The following WDR7 variants were observed in gnomAD, a reference collection of about 807,000 sequenced individuals.
WDR7 encodes WD repeat-containing protein 7.
In WDR7, 46 loss-of-function variants were observed where a neutral mutation model predicts 169.4. The ratio of observed to expected loss-of-function variants is 0.27; its 90% confidence interval spans 0.21 to 0.35. The LOEUF (loss-of-function observed/expected upper bound fraction) is 0.35. Among genes scored for constraint, WDR7 ranks in the 10% least tolerant of loss-of-function variants. The pLI, the probability that WDR7 is intolerant of heterozygous loss-of-function variation, is 1.00. For missense variants in WDR7, 1,534 were observed against 1,859.3 expected (o/e 0.83, Z 3.22); for synonymous variants, 612 against 666.8 (o/e 0.92, Z 1.27).
intron 19 of WDR7, among the ~76,000 whole-genome samples, chr18:56,795,106 A>T (rs2145133556): frequency 6.6e-6 from 1 of 152,368 alleles, no homozygotes; most frequent in African/African-American, 2.4e-5. Context: ...TTTAAATATT[A>T]ATATGAATTC....
At chr18:56,959,045 T>C (rs1234631859) in intron 25 of WDR7, among the ~76,000 whole-genome samples, 1 of 152,026 alleles carries the variant, frequency 6.6e-6, no homozygotes, top group Non-Finnish European at 1.5e-5. Flanking sequence ...TTAAAAATAA[T>C]GGGTAAAAGG....
At chr18:56,929,436 A>T (rs890197702) in intron 22 of WDR7, among the ~76,000 whole-genome samples, 17 of 152,246 alleles carry the variant, frequency 1.1e-4, no homozygotes, top group Admixed American at 9.2e-4. Flanking sequence ...AATGTTGAAT[A>T]AAGTCATGGG....
chr18:56,907,066 C>CT (rs1435891802), intron 21 of WDR7, among the ~76,000 whole-genome samples: 2 of 152,154 alleles, frequency 1.3e-5, no homozygotes, highest in Non-Finnish European at 2.9e-5. Context: ...TGTTAAGATT[C>CT]TTTTTCACTC....
intron 20 of WDR7, among the ~76,000 whole-genome samples, chr18:56,831,202 G>C (rs2045302285): frequency 6.6e-6 from 1 of 152,146 alleles, no homozygotes; most frequent in South Asian, 2.1e-4. Flanking sequence ...GAGGGAGAGA[G>C]AGCAAGAGGT....
chr18:56,786,349 G>A (rs574734154), intron 19 of WDR7, among the ~76,000 whole-genome samples: 112 of 152,112 alleles, frequency 7.4e-4, no homozygotes, highest in African/African-American at 2.6e-3. Context: ...TGGGCAACAG[G>A]GTGAAAAACA....
At chr18:56,972,215 C>A (rs1230343836) in intron 26 of WDR7, among the ~76,000 whole-genome samples, 1 of 152,140 alleles carries the variant, frequency 6.6e-6, no homozygotes, top group African/African-American at 2.4e-5. Flanking sequence ...ACAGAAATGT[C>A]AGCAAACACA....
intron 12 of WDR7, among the ~76,000 whole-genome samples, chr18:56,714,739 G>C (rs1336502827): frequency 6.6e-6 from 1 of 151,900 alleles, no homozygotes; most frequent in Non-Finnish European, 1.5e-5. Flanking sequence ...TTTGTAGATT[G>C]AGCTTGTTAT....
chr18:56,880,623 G>T lies in WDR7; in HGVS notation c.3526+458G>T, dbSNP rs558148386. 3.3e-5 allele frequency among the ~76,000 whole-genome samples: 5 copies of T among 152,068 alleles called. No homozygotes were observed. The South Asian group carries it at 1.0e-3, about 32-fold the overall frequency. Reference sequence around the variant, plus strand: ...CAACACATATTTGTTAAATTAATGGGCATATTAATAAATTTGTATATGTGA... The same window carrying T: ...CAACACATATTTGTTAAATTAATGGTCATATTAATAAATTTGTATATGTGA... On this transcript the variant is annotated intron_variant, in intron 21 of 27. Coordinates refer to ENST00000254442, the MANE Select transcript of WDR7 (RefSeq NM_015285.3).
intron 19 of WDR7, among the ~76,000 whole-genome samples, chr18:56,815,304 G>C (rs548365367): frequency 1.3e-5 from 2 of 152,268 alleles, no homozygotes; most frequent in Admixed American, 6.5e-5. Flanking sequence ...ATGCACCCTA[G>C]TATCTGTTGT....
chr18:56,735,286 A>G (rs1296733575), intron 14 of WDR7, among the ~76,000 whole-genome samples: 2 of 152,154 alleles, frequency 1.3e-5, no homozygotes, highest in African/African-American at 4.8e-5. Flanking sequence ...GTTCAAGATT[A>G]TTTCAGAAAC....
chr18:57,007,361 T>C (rs1025787642), intron 26 of WDR7, among the ~76,000 whole-genome samples: 5 of 152,190 alleles, frequency 3.3e-5, no homozygotes, highest in Non-Finnish European at 7.3e-5. Flanking sequence ...ATCTTAAGTA[T>C]ATTATACATT....
intron 19 of WDR7, among the ~76,000 whole-genome samples, chr18:56,784,305 G>A (rs1210976119): frequency 6.6e-6 from 1 of 151,946 alleles, no homozygotes; most frequent in Non-Finnish European, 1.5e-5. Context: ...ATGGTTTTTG[G>A]TTACATAGAT....
rs186860895 is a variant in WDR7 at position 57,003,641 on chromosome 18, C to G, written c.4165-17104C>G. Among the ~76,000 whole-genome samples, 149 of 152,078 alleles carry G rather than the reference C, an allele frequency of 9.8e-4. No individual in the cohort carries two copies. The Middle Eastern group carries it at 0.024, about 24-fold the overall frequency. ...TGTCTTTTCAAAGTTAAATTAGATGCAAAATGTAATGATTTGGATCACACG... is the reference window on the plus strand; with the variant it reads ...TGTCTTTTCAAAGTTAAATTAGATGGAAAATGTAATGATTTGGATCACACG... On this transcript the variant is annotated intron_variant, in intron 26 of 27. Coordinates refer to ENST00000254442, the MANE Select transcript of WDR7 (RefSeq NM_015285.3).
At chr18:56,945,815 G>C (rs1460691437) in intron 25 of WDR7, among the ~76,000 whole-genome samples, 2 of 152,070 alleles carry the variant, frequency 1.3e-5, no homozygotes, top group Admixed American at 1.3e-4. Flanking sequence ...AAGTACTCTA[G>C]TAATCCAAAA....
At chr18:56,718,423 A>C (rs187973276) in intron 13 of WDR7, among the ~76,000 whole-genome samples, 1 of 152,186 alleles carries the variant, frequency 6.6e-6, no homozygotes, top group Non-Finnish European at 1.5e-5. Context: ...TATGTTTTCT[A>C]TATAATTCAC....
At chr18:56,653,096 T>C (rs1484988387) in intron 1 of WDR7, among the ~76,000 whole-genome samples, 9 of 152,180 alleles carry the variant, frequency 5.9e-5, no homozygotes, top group Non-Finnish European at 1.3e-4. Flanking sequence ...GTGATGTTTA[T>C]TAGATGTATG....
At chr18:56,849,156 A>T (rs551273256) in intron 20 of WDR7, among the ~76,000 whole-genome samples, 1 of 152,204 alleles carries the variant, frequency 6.6e-6, no homozygotes, top group Non-Finnish European at 1.5e-5. Context: ...TTCTTTAGCC[A>T]TTCATTCCTT....
rs566343348 is a variant in WDR7, at chr18:56,856,427, T to C, written c.3305-23517T>C. 1.6e-4 allele frequency among the ~76,000 whole-genome samples: 25 copies of C among 152,088 alleles called. No homozygotes were observed. In the South Asian group the frequency reaches 4.4e-3, roughly 26 times the overall value. On this transcript the variant is annotated intron_variant, in intron 20 of 27. Coordinates refer to ENST00000254442, the MANE Select transcript of WDR7 (RefSeq NM_015285.3). Reference sequence around the variant, plus strand: ...CACGTGCCTGTAATCCCAGCTACTCTGGAGGCTGAGGCACAAGAATTGCTT... The same window carrying C: ...CACGTGCCTGTAATCCCAGCTACTCCGGAGGCTGAGGCACAAGAATTGCTT...
intron 26 of WDR7, among the ~76,000 whole-genome samples, chr18:56,989,442 GA>G (rs1359011891): frequency 6.6e-6 from 1 of 151,992 alleles, no homozygotes; most frequent in Non-Finnish European, 1.5e-5. Flanking sequence ...GTTCAAATAA[GA>G]ACTGGAAGAG....
Sources: allele counts gnomAD v4.1 joint callset (sites outside exome capture counted in the v4.1 genomes callset), GRCh38; gene constraint gnomAD v4.1.1; transcripts MANE v1.5; gene names NCBI Gene and HGNC (gene_info 2026-07-23, HGNC 2026-07-21).